ARHGEF7: variants seen among roughly 807,000 people sequenced by gnomAD.
ARHGEF7 encodes PAK-interacting exchange factor beta.
In ARHGEF7, 33 loss-of-function variants were observed where a neutral mutation model predicts 109.8. That is an observed-to-expected ratio of 0.30 (90% CI 0.23 to 0.40). The LOEUF (loss-of-function observed/expected upper bound fraction) is 0.40. Ranked by LOEUF, ARHGEF7 falls within the 10% of genes least tolerant of loss-of-function variation. The pLI is 1.00. For synonymous variants in ARHGEF7, 458 were observed against 424.6 expected, an observed-to-expected ratio of 1.08 and a Z score of -0.97; for missense variants, 938 against 1,098.5, an observed-to-expected ratio of 0.85 and a Z score of 2.07.
At chr13:111,208,222 T>TA (rs1391984395) in intron 3 of ARHGEF7, among the ~76,000 whole-genome samples, 1 of 152,186 alleles carries the variant, frequency 6.6e-6, no homozygotes, top group Non-Finnish European at 1.5e-5. Flanking sequence ...GTATTTTTAG[T>TA]AGAGGCGGGG....
intron 4 of ARHGEF7, among the ~76,000 whole-genome samples, chr13:111,213,372 A>G (rs1469236516): frequency 6.6e-6 from 1 of 152,218 alleles, no homozygotes; most frequent in African/African-American, 2.4e-5. Context: ...TAACGTACAT[A>G]GAAAACCAGT....
intron 1 of ARHGEF7, among the ~76,000 whole-genome samples, chr13:111,137,701 GT>G (rs530865181): frequency 2.0e-4 from 30 of 151,226 alleles, no homozygotes; most frequent in African/African-American, 5.8e-4. Flanking sequence ...AAAAGAATAT[GT>G]TTTTTTTTCA....
Position 111,254,533 on chromosome 13 carries a change from G to C in ARHGEF7, c.950+10239G>C, listed in dbSNP as rs9560017. Reference sequence around the variant, plus strand: ...GCTGAGTCGCTAACATGAAGGCCGGGCTCAGAAGAGGATTCGGGCTAAGGC... The same window carrying C: ...GCTGAGTCGCTAACATGAAGGCCGGCCTCAGAAGAGGATTCGGGCTAAGGC... On this transcript the variant is annotated intron_variant, in intron 8 of 21. Transcript: ENST00000646102. Among the ~76,000 whole-genome samples, 83 of 143,660 alleles carry C rather than the reference G, an allele frequency of 5.8e-4. 2 individuals are homozygous for C. The highest frequency in any genetic ancestry group is 3.0e-3 in the South Asian group (13 of 4,360). The allele number at this position is 143,660 out of a possible 152,430, so 94.2% of individuals were successfully genotyped here.
chr13:111,155,269 G>C (rs1039238795), intron 2 of ARHGEF7, among the ~76,000 whole-genome samples: 1 of 152,292 alleles, frequency 6.6e-6, no homozygotes, highest in African/African-American at 2.4e-5. Flanking sequence ...TTCCCTTCCC[G>C]AAGAATATTT....
chr13:111,262,451 G>A (rs1404045131), intron 8 of ARHGEF7, among the ~76,000 whole-genome samples: 1 of 152,110 alleles, frequency 6.6e-6, no homozygotes, highest in Non-Finnish European at 1.5e-5. Context: ...CTGAGTGGGA[G>A]CAGGAGGCTA....
At chr13:111,274,096 G>A (rs2092341272) in intron 10 of ARHGEF7, 144 bp downstream of exon 10, 3 of 1,045,414 alleles carry the variant, frequency 2.9e-6, no homozygotes, top group Middle Eastern at 3.0e-4. Flanking sequence ...TAAATATTAT[G>A]TTTTTCTCCT....
chr13:111,156,393 T>C (rs1029633983), intron 2 of ARHGEF7, among the ~76,000 whole-genome samples: 1 of 152,256 alleles, frequency 6.6e-6, no homozygotes. Flanking sequence ...AGTAAATATC[T>C]CTTCCAGTAA....
At chr13:111,253,433 T>C (rs1223534710) in intron 8 of ARHGEF7, among the ~76,000 whole-genome samples, 2 of 152,220 alleles carry the variant, frequency 1.3e-5, no homozygotes, top group Non-Finnish European at 2.9e-5. Flanking sequence ...AGCCCTCTTA[T>C]GGAACATCCT....
chr13:111,292,449 TC>T, intron 19 of ARHGEF7, 155 bp downstream of exon 19: 1 of 1,451,104 alleles, frequency 6.9e-7, no homozygotes, highest in Non-Finnish European at 9.0e-7. Context: ...TTGAGAGTGT[TC>T]CTGATATTTC....
At chr13:111,124,999 A>T (rs2067463189) in intron 1 of ARHGEF7, among the ~76,000 whole-genome samples, 1 of 152,148 alleles carries the variant, frequency 6.6e-6, no homozygotes, top group Non-Finnish European at 1.5e-5. Context: ...ACCTCACGTG[A>T]TCTGCCTACC....
At chr13:111,133,761 C>CTATA (rs2074915475) in intron 1 of ARHGEF7, among the ~76,000 whole-genome samples, 1 of 73,356 alleles carries the variant, frequency 1.4e-5, no homozygotes, top group Non-Finnish European at 2.5e-5. Flanking sequence ...ATCTGCTTTT[C>CTATA]TTTATATATA....
intron 1 of ARHGEF7, among the ~76,000 whole-genome samples, chr13:111,121,543 T>A (rs2067201282): frequency 6.6e-6 from 1 of 152,160 alleles, no homozygotes; most frequent in Admixed American, 6.5e-5. Context: ...TGTTCTTGTG[T>A]AGGGTGGATT....
rs370259315 is a variant in ARHGEF7 at position 111,212,880 on chromosome 13, A to G, written c.468+2878A>G. On this transcript the variant is annotated intron_variant, in intron 4 of 21. Transcript: ENST00000646102. ...AATGTAATTGACAGTATTTGGTGGA[A>G]TATAAAGGCATTGTCTAATTTTTGG... Among the ~76,000 whole-genome samples, 12 of 152,322 alleles carry G rather than the reference A, an allele frequency of 7.9e-5. No individual in the cohort carries two copies. The East Asian group carries it at 1.3e-3, about 17-fold the overall frequency.
Position 111,191,024 on chromosome 13 carries a change from G to A in ARHGEF7, c.253-14265G>A, listed in dbSNP as rs575337085. On this transcript the variant is annotated intron_variant, in intron 2 of 21. Transcript: ENST00000646102. ...TACTAGGAACCATTCATTAGAGAGA[G>A]TGATTGAAAGAGGGGATGAGAAAGC... Among the ~76,000 whole-genome samples, 3 of 152,284 alleles carry A rather than the reference G, an allele frequency of 2.0e-5. No individual in the cohort carries two copies. The South Asian group carries it at 6.2e-4, about 32-fold the overall frequency.
intron 1 of ARHGEF7, among the ~76,000 whole-genome samples, chr13:111,141,503 C>T (rs1486550425): frequency 5.3e-5 from 8 of 152,158 alleles, no homozygotes; most frequent in African/African-American, 7.2e-5. Flanking sequence ...GGAACCTCTA[C>T]GTATTCAGCT....
chr13:111,200,091 A>C (rs1415990999), intron 2 of ARHGEF7, among the ~76,000 whole-genome samples: 2 of 151,932 alleles, frequency 1.3e-5, no homozygotes, highest in Non-Finnish European at 2.9e-5. Context: ...CTCAACACCT[A>C]GGGCGACTTT....
intron 3 of ARHGEF7, among the ~76,000 whole-genome samples, 194 bp downstream of exon 3, chr13:111,205,567 CT>C (rs1463037386): frequency 6.6e-6 from 1 of 152,094 alleles, no homozygotes; most frequent in Non-Finnish European, 1.5e-5. Context: ...TTTAAATGTT[CT>C]GGTATATATC....
intron 20 of ARHGEF7, 58 bp downstream of exon 20, chr13:111,300,905 A>T: frequency 8.9e-7 from 1 of 1,121,780 alleles, no homozygotes; most frequent in Non-Finnish European, 1.3e-6. Flanking sequence ...GGGGTAGTAG[A>T]GTCCAGACAA....
rs2066661512 is a variant in ARHGEF7 at position 111,115,371 on chromosome 13, G to A, written c.-156G>A. The A allele has an allele frequency of 2.8e-6, 1 of 351,896 alleles. No individual in the cohort carries two copies. The highest frequency in any genetic ancestry group is 3.9e-6 in the Non-Finnish European group (1 of 253,912). The allele number at this position is 351,896 out of a possible 1,614,324, so 21.8% of individuals were successfully genotyped here. Reference sequence around the variant, plus strand: ...AGCGGGCCGGGGCGCACGGAGAAGCGGGCCGGGCCGGACCTGCTGGGCCGC... The same window carrying A: ...AGCGGGCCGGGGCGCACGGAGAAGCAGGCCGGGCCGGACCTGCTGGGCCGC... On this transcript the variant is annotated 5_prime_UTR_variant, in exon 1 of 22. Coordinates refer to ENST00000646102, the MANE Select transcript of ARHGEF7 (RefSeq NM_001354046.2).
Sources: gnomAD v4.1 joint callset for allele counts (sites outside exome capture counted in the v4.1 genomes callset) on GRCh38, gnomAD v4.1.1 for gene constraint, MANE v1.5 for transcripts, NCBI Gene and HGNC (gene_info 2026-07-23, HGNC 2026-07-21) for gene names.